AGAP3: variants seen among roughly 807,000 people sequenced by gnomAD.
The protein encoded by AGAP3 is ArfGAP with GTPase domain, ankyrin repeat and PH domain 3.
A neutral mutation model predicts 96.9 loss-of-function variants in AGAP3; 24 were observed. The ratio of observed to expected loss-of-function variants is 0.25; its 90% CI spans 0.18 to 0.35. AGAP3 has a LOEUF of 0.35. Among genes scored for constraint, AGAP3 ranks in the 10% least tolerant of loss-of-function variants. AGAP3 has a pLI of 1.00. For missense variants in AGAP3, 876 were observed against 1,254.2 expected (o/e 0.70, Z 4.55); for synonymous variants, 563 against 536.1 (o/e 1.05, Z -0.69).
Position 151,138,204 on chromosome 7 carries a change from C to T in AGAP3, c.1557C>T (p.Ala519=). The T allele has an allele frequency of 1.2e-6, 2 of 1,611,362 alleles. No individual in the cohort carries two copies. The highest frequency in any genetic ancestry group is 1.7e-6 in the Non-Finnish European group (2 of 1,179,286). Residue 519 remains alanine, a synonymous_variant, in exon 12 of 18, where the codon GCC becomes GCT. Transcript: ENST00000397238. The part of the protein sequence containing the change: ...LHSERPLSSS[A]WAGPRPEGLH... ...CTGAGCGCCCCCTCAGCAGCTCGGC[C>T]TGGGCTGGCCCGCGCCCTGAGGGGC... is the stretch of plus-strand genomic sequence containing the variant.
In AGAP3 at chr7:151,139,991, C is replaced by A; in HGVS notation, c.1679C>A (p.Ala560Asp). Residue 560 changes from alanine to aspartate, a missense_variant, in exon 13 of 18, where the codon GCT becomes GAT. Physicochemically the swap from Ala to Asp is moderately radical, Grantham distance 126 (BLOSUM62 -2). Transcript: ENST00000397238. This position sits in a 1 kb window ranked among gnomAD's most constrained non-coding sequence, Gnocchi z 4.9. ...CTCCCCTCACCAGCCAGTGGCCCAG[C>A]TGAGGTACTCAGTTCCAGCCCCAAG... ...PGMQHPASGP[A>D]EVLSSSPKLD... 6.3e-7 allele frequency: 1 copy of A among 1,575,180 alleles called. No homozygotes were observed. Among genetic ancestry groups the A allele is most frequent in the Admixed American group, 1.9e-5 (1 of 54,036 alleles).
At position 151,142,661 on chromosome 7, in the gene AGAP3, C is replaced by G. The variant is rs1327544289; in HGVS notation, c.2273+27C>G. On this transcript the variant is annotated intron_variant, in intron 16 of 17. Transcript: ENST00000397238. The surrounding 1 kb of genome is among the most constrained non-coding windows in gnomAD (Gnocchi z 7.5). ...TGAGCAGATGGTGCCCTGGAGCTGG[C>G]CAGGAATGGGGGAAGCGTTGGGGGC... 2.5e-6 allele frequency: 4 copies of G among 1,603,570 alleles called. No homozygotes were observed. The South Asian group carries it at 4.4e-5, about 18-fold the overall frequency.
Position 151,118,085 on chromosome 7 carries a change from C to G in AGAP3, c.707-125C>G. 3 of 1,325,906 alleles carry G rather than the reference C, an allele frequency of 2.3e-6. No homozygotes were observed. Among genetic ancestry groups the G allele is most frequent in the Non-Finnish European group, 3.1e-6 (3 of 969,824 alleles). The allele number at this position is 1,325,906 out of a possible 1,614,324, so 82.1% of individuals were successfully genotyped here. On this transcript the variant is annotated intron_variant, in intron 5 of 17. Transcript: ENST00000397238. This position sits in a 1 kb window ranked among gnomAD's most constrained non-coding sequence, Gnocchi z 6.1. Reference sequence around the variant, plus strand: ...GAAATGAGACCCAGGCACCCGCGTTCTTGGTGCTCTGTGTGTTCCACTCAC... The same window carrying G: ...GAAATGAGACCCAGGCACCCGCGTTGTTGGTGCTCTGTGTGTTCCACTCAC...
chr7:151,112,956 A>G (rs1049497858), intron 1 of AGAP3, among the ~76,000 whole-genome samples: 4 of 151,720 alleles, frequency 2.6e-5, no homozygotes, highest in African/African-American at 9.7e-5. Flanking sequence ...CTGGTCTCGG[A>G]CTCCTGACCT....
intron 1 of AGAP3, among the ~76,000 whole-genome samples, chr7:151,107,811 C>T (rs140599373): frequency 1.3e-5 from 2 of 152,126 alleles, no homozygotes; most frequent in South Asian, 2.1e-4. Context: ...TTTTAAATGT[C>T]GAAAGTGTAG....
chr7:151,115,582 C>T lies in AGAP3; in HGVS notation c.332-1211C>T, dbSNP rs1585070187. 8.7e-6 allele frequency: 10 copies of T among 1,155,874 alleles called. No homozygotes were observed. The East Asian group carries it at 1.6e-4, about 19-fold the overall frequency. The allele number at this position is 1,155,874 out of a possible 1,614,324, so 71.6% of individuals were successfully genotyped here. On this transcript the variant is annotated intron_variant, in intron 1 of 17. Coordinates refer to ENST00000397238, the MANE Select transcript of AGAP3 (RefSeq NM_031946.7). Reference sequence around the variant, plus strand: ...TTCCGCCGGAGGGAGCCCGCGCCCGCCGCGCCGCTGTGGGGCCGTCGGGCG... The same window carrying T: ...TTCCGCCGGAGGGAGCCCGCGCCCGTCGCGCCGCTGTGGGGCCGTCGGGCG...
Position 151,143,403 on chromosome 7 carries a change from C to T in AGAP3, c.2336C>T (p.Pro779Leu). 6.2e-6 allele frequency: 10 copies of T among 1,614,202 alleles called. No individual in the cohort carries two copies. Among genetic ancestry groups the T allele is most frequent in the Non-Finnish European group, 8.5e-6 (10 of 1,180,040 alleles). ...CAGAAGCTCTTCCTGGCCCCACTGC[C>T]AAGCTCAGATGTGCCACTGGGGCAG... ...YEQKLFLAPL[P>L]SSDVPLGQQL... Residue 779 changes from proline (P) to leucine (L), a missense_variant, in exon 17 of 18, where the codon CCA becomes CTA. Physicochemically the swap from Pro to Leu is moderately conservative, Grantham distance 98. Transcript: ENST00000397238. This position sits in a 1 kb window ranked among gnomAD's most constrained non-coding sequence, Gnocchi z 5.9.
Position 151,120,054 on chromosome 7 carries a change from G to C in AGAP3, c.1037G>C (p.Ser346Thr). The change falls in exon 8 of 18, where the codon AGC (serine) becomes ACC (threonine). Residue 346 changes from serine (S) to threonine (T), a missense_variant. Around this residue, in one of 8 missense-constraint regions of AGAP3, gnomAD observed 100 missense variants for 129.4 expected, o/e 0.77. Transcript: ENST00000397238. ...SSSVPSTPSISQRELRIETIA... is the reference protein window; with the variant it reads ...SSSVPSTPSITQRELRIETIA... ...TCAGTCCCCTCCACCCCCAGCATCA[G>C]CCAGCGGGAGCTGCGCATCGAGACC... 6.2e-7 allele frequency: 1 copy of C among 1,613,860 alleles called. No homozygotes were observed. The highest frequency in any genetic ancestry group is 8.5e-7 in the Non-Finnish European group (1 of 1,179,904).
At chr7:151,092,520 C>T (rs539665263) in intron 1 of AGAP3, among the ~76,000 whole-genome samples, 22 of 152,260 alleles carry the variant, frequency 1.4e-4, no homozygotes, top group African/African-American at 5.3e-4. Flanking sequence ...TGAGCCCAGC[C>T]ACGTGCTTTG....
chr7:151,116,839 G>T lies in AGAP3; in HGVS notation c.378G>T (p.Pro126=), dbSNP rs778159808. The T allele has an allele frequency of 6.2e-7, 1 of 1,614,136 alleles. No homozygotes were observed. The highest frequency in any genetic ancestry group is 1.1e-5 in the South Asian group (1 of 91,084). The change falls in exon 2 of 18, where the codon CCG becomes CCT. Residue 126 remains proline (P), a synonymous_variant. Coordinates refer to ENST00000397238, the MANE Select transcript of AGAP3 (RefSeq NM_031946.7). ...SQEWTLSRSV[P]ELKVGIVGNL... is the part of the protein sequence containing the mutation. Reference sequence around the variant, plus strand: ...AGTGGACGCTGAGCCGCTCCGTACCGGAGCTTAAAGTGGTGAGTGTGGCCC... The same window carrying T: ...AGTGGACGCTGAGCCGCTCCGTACCTGAGCTTAAAGTGGTGAGTGTGGCCC...
At chr7:151,127,242 C>T (rs530034604) in intron 9 of AGAP3, among the ~76,000 whole-genome samples, 5 of 152,330 alleles carry the variant, frequency 3.3e-5, no homozygotes, top group African/African-American at 9.6e-5. Context: ...AGACTAGGGA[C>T]TGCCGTTTCC....
chr7:151,098,569 C>T (rs1181031499), intron 1 of AGAP3, among the ~76,000 whole-genome samples: 1 of 152,008 alleles, frequency 6.6e-6, no homozygotes, highest in South Asian at 2.1e-4. Flanking sequence ...GAGAGGACTG[C>T]TTGAACCCAG....
Position 151,108,607 on chromosome 7 carries a change from C to T in AGAP3, c.332-8186C>T, listed in dbSNP as rs1268947341. Reference sequence around the variant, plus strand: ...GGGTCCCAAGGATGTAGGCTGGGTCCTACGCCAGTCCAGACTGCCAGCCGC... The same window carrying T: ...GGGTCCCAAGGATGTAGGCTGGGTCTTACGCCAGTCCAGACTGCCAGCCGC... On this transcript the variant is annotated intron_variant, in intron 1 of 17. Transcript: ENST00000397238. The surrounding 1 kb of genome is among the most constrained non-coding windows in gnomAD (Gnocchi z 4.2). 1.3e-5 allele frequency among the ~76,000 whole-genome samples: 2 copies of T among 152,236 alleles called. No individual in the cohort carries two copies. The highest frequency in any genetic ancestry group is 2.9e-5 in the Non-Finnish European group (2 of 68,042).
chr7:151,142,625 A>G lies in AGAP3; in HGVS notation c.2264A>G (p.Asp755Gly). ...ALGGYSKPGP[D>G]ACREEKERWI... ...GGTGGCTACTCCAAGCCAGGGCCTG[A>G]TGCCTGCAGGTGAGCAGATGGTGCC... Residue 755 changes from aspartate (D) to glycine (G), a missense_variant, in exon 16 of 18, where the codon GAT (aspartate) becomes GGT (glycine). Coordinates refer to ENST00000397238, the MANE Select transcript of AGAP3 (RefSeq NM_031946.7). The surrounding 1 kb of genome is among the most constrained non-coding windows in gnomAD (Gnocchi z 7.5). 1 of 1,612,380 alleles carries G rather than the reference A, an allele frequency of 6.2e-7. No homozygotes were observed. The highest frequency in any genetic ancestry group is 1.1e-5 in the South Asian group (1 of 91,038).
intron 1 of AGAP3, among the ~76,000 whole-genome samples, chr7:151,103,800 C>T (rs1172559774): frequency 1.3e-5 from 2 of 152,202 alleles, no homozygotes; most frequent in African/African-American, 4.8e-5. Flanking sequence ...GATACCTTTT[C>T]CCCCATGACA....
Position 151,143,421 on chromosome 7 carries a change from T to G in AGAP3, c.2354T>G (p.Leu785Arg), listed in dbSNP as rs750796680. ...LAPLPSSDVP[L>R]GQQLLRAVVE... ...CCACTGCCAAGCTCAGATGTGCCACTGGGGCAGCAGCTGCTCCGGGCCGTG... is the reference window on the plus strand; with the variant it reads ...CCACTGCCAAGCTCAGATGTGCCACGGGGGCAGCAGCTGCTCCGGGCCGTG... Residue 785 changes from leucine (L) to arginine (R), a missense_variant, in exon 17 of 18, where the codon CTG (leucine) becomes CGG (arginine). Around this residue, in one of 8 missense-constraint regions of AGAP3, gnomAD observed 213 missense variants for 253.8 expected, o/e 0.84. Coordinates refer to ENST00000397238, the MANE Select transcript of AGAP3 (RefSeq NM_031946.7). This position sits in a 1 kb window ranked among gnomAD's most constrained non-coding sequence, Gnocchi z 5.9. The G allele has an allele frequency of 1.2e-6, 2 of 1,614,218 alleles. No individual in the cohort carries two copies. The highest frequency in any genetic ancestry group is 2.2e-5 in the South Asian group (2 of 91,088).
Position 151,118,792 on chromosome 7 carries a change from A to G in AGAP3, c.969+160A>G, listed in dbSNP as rs1403545099. The stretch of plus-strand genomic sequence containing the variant: ...GGAAACATTGGTTGGAATTCCATTT[A>G]GCCGGCACCGTAGCCTTGGCCTCAT... On this transcript the variant is annotated intron_variant, in intron 7 of 17. Coordinates refer to ENST00000397238, the MANE Select transcript of AGAP3 (RefSeq NM_031946.7). The surrounding 1 kb of genome is among the most constrained non-coding windows in gnomAD (Gnocchi z 6.1). Among the ~76,000 whole-genome samples the G allele has an allele frequency of 6.6e-6, 1 of 152,132 alleles. No individual in the cohort carries two copies.
intron 8 of AGAP3, chr7:151,122,662 TGACC>T (rs1226445715): frequency 1.2e-6 from 2 of 1,604,076 alleles, no homozygotes; most frequent in Non-Finnish European, 8.5e-7. Flanking sequence ...TCACCGGTGC[TGACC>T]GACTTGTGCG....
Position 151,086,755 on chromosome 7 carries a change from C to T in AGAP3, c.14C>T (p.Ala5Val). MNFQ[A>V]GGGQSPQQQQ... ...GGCTCCGAAGCCATGAACTTCCAGG[C>T]GGGCGGGGGGCAGAGCCCGCAGCAG... The change falls in exon 1 of 18, where the codon GCG (alanine) becomes GTG (valine). Residue 5 changes from alanine (A) to valine (V), a missense_variant. Physicochemically the swap from Ala to Val is moderately conservative, Grantham distance 64 (BLOSUM62 0). Coordinates refer to ENST00000397238, the MANE Select transcript of AGAP3 (RefSeq NM_031946.7). The T allele has an allele frequency of 2.1e-6, 2 of 957,366 alleles. No homozygotes were observed. The highest frequency in any genetic ancestry group is 2.5e-6 in the Non-Finnish European group (2 of 814,204). 59.3% of individuals were successfully genotyped at this position (957,366 alleles called of 1,614,324 possible). A position where few individuals can be genotyped will look rare whatever the true frequency, so the allele number is the denominator to read the frequency against.
Sources: allele counts gnomAD v4.1 joint callset (sites outside exome capture counted in the v4.1 genomes callset), GRCh38; gene constraint gnomAD v4.1.1; regional missense constraint gnomAD v4.1.1; non-coding constraint Gnocchi (gnomAD v3.1); transcripts MANE v1.5; gene names NCBI Gene and HGNC (gene_info 2026-07-23, HGNC 2026-07-21).